The following COBLL1 variants were observed in gnomAD, a reference collection of about 807,000 sequenced individuals.
COBLL1 encodes the protein cordon-bleu WH2 repeat protein like 1.
Under a neutral mutation model 94.8 loss-of-function variants are expected in COBLL1, and 50 were observed. That is an observed-to-expected ratio of 0.53 (90% CI 0.42 to 0.67). The LOEUF is 0.67. Among genes scored for constraint, COBLL1 ranks in the 30% least tolerant of loss-of-function variants. COBLL1 has a pLI of 0.00. For missense variants in COBLL1, 1,362 were observed against 1,348.7 expected (o/e 1.01, Z -0.15); for synonymous variants, 448 against 473.8 (o/e 0.95, Z 0.71).
chr2:164,671,720 G>A (rs1254101517), intron 1 of COBLL1, among the ~76,000 whole-genome samples: 1 of 151,844 alleles, frequency 6.6e-6, no homozygotes, highest in Non-Finnish European at 1.5e-5. Context: ...AGCACGTTAT[G>A]AAGATTTTTT....
At chr2:164,805,325 C>CA (rs1684053041) in intron 2 of COBLL1, among the ~76,000 whole-genome samples, 1 of 31,522 alleles carries the variant, frequency 3.2e-5, no homozygotes, top group Non-Finnish European at 6.1e-5. Flanking sequence ...CTCTCTCTCT[C>CA]TCTCTCTCTC....
chr2:164,829,507 C>CA (rs1226551284), intron 2 of COBLL1, among the ~76,000 whole-genome samples: 8 of 151,488 alleles, frequency 5.3e-5, no homozygotes, highest in African/African-American at 9.7e-5. Context: ...CTAACTAAAG[C>CA]AAAAAAATAA....
chr2:164,701,261 A>G (rs943524438), intron 9 of COBLL1, among the ~76,000 whole-genome samples: 2 of 152,162 alleles, frequency 1.3e-5, no homozygotes, highest in African/African-American at 4.8e-5. Flanking sequence ...CTCACACCCT[A>G]CTCCACAAAA....
intron 2 of COBLL1, among the ~76,000 whole-genome samples, chr2:164,794,565 G>C (rs1256890888): frequency 1.3e-5 from 2 of 152,080 alleles, no homozygotes; most frequent in African/African-American, 4.8e-5. Flanking sequence ...TTAGAATTCT[G>C]ACATTTCGGT....
intron 3 of COBLL1, among the ~76,000 whole-genome samples, chr2:164,734,430 A>ATCACCCT (rs1686187866): frequency 3.3e-5 from 5 of 152,206 alleles, no homozygotes; most frequent in African/African-American, 9.7e-5. Context: ...ATAATCTTGT[A>ATCACCCT]GTGTTTAAAG....
chr2:164,705,344 C>G, intron 7 of COBLL1: 1 of 341,164 alleles, frequency 2.9e-6, no homozygotes, highest in Non-Finnish European at 5.2e-6. Context: ...AACTGCCACA[C>G]AAACAACTAA....
chr2:164,719,421 T>G (rs1386754699), intron 7 of COBLL1, among the ~76,000 whole-genome samples: 1 of 152,140 alleles, frequency 6.6e-6, no homozygotes, highest in Non-Finnish European at 1.5e-5. Flanking sequence ...ACAACACAAA[T>G]GTATTCTTCC....
chr2:164,694,555 G>A lies in COBLL1; in HGVS notation c.2837C>T (p.Ala946Val), dbSNP rs758456775. 1.2e-6 allele frequency: 2 copies of A among 1,613,960 alleles called. No homozygotes were observed. The highest frequency in any genetic ancestry group is 1.7e-6 in the Non-Finnish European group (2 of 1,179,956). ...DDVIGQAPAE[A>V]SPPPIAPKPV... The stretch of plus-strand genomic sequence containing the variant: ...TTTTGGAGCTATGGGAGGAGGGGAG[G>A]CTTCAGCAGGAGCCTGACCGATGAC... Residue 946 changes from alanine (A) to valine (V), a missense_variant, in exon 12 of 14, where the codon GCC (alanine) becomes GTC (valine). Ala to Val is a moderately conservative substitution (Grantham distance 64). Transcript: ENST00000652658.
chr2:164,730,851 A>T (rs1326835182), intron 3 of COBLL1, among the ~76,000 whole-genome samples: 1 of 152,214 alleles, frequency 6.6e-6, no homozygotes, highest in Non-Finnish European at 1.5e-5. Flanking sequence ...TAGAAAACAG[A>T]CTGTAAATAT....
intron 2 of COBLL1, among the ~76,000 whole-genome samples, chr2:164,828,442 A>ACT (rs1453006119): frequency 6.6e-6 from 1 of 152,242 alleles, no homozygotes; most frequent in Non-Finnish European, 1.5e-5. Context: ...GACTGGTTAT[A>ACT]TAAATTAAAA....
At chr2:164,659,748 T>C (rs1691040091) in intron 2 of COBLL1, among the ~76,000 whole-genome samples, 1 of 152,184 alleles carries the variant, frequency 6.6e-6, no homozygotes, top group African/African-American at 2.4e-5. Flanking sequence ...GTAGCAGAAA[T>C]CTTTCCTTCT....
chr2:164,796,515 T>A (rs1018023059), intron 2 of COBLL1, among the ~76,000 whole-genome samples: 1 of 152,098 alleles, frequency 6.6e-6, no homozygotes. Context: ...AGGAATAAAC[T>A]CTGCAGAAGT....
intron 2 of COBLL1, among the ~76,000 whole-genome samples, chr2:164,818,454 T>TTGTATACATATACACATATTTACAA (rs1282551366): frequency 6.7e-6 from 1 of 149,236 alleles, no homozygotes; most frequent in African/African-American, 2.4e-5. Flanking sequence ...CATATTTACA[T>TTGTATACATATACACATATTTACAA]TGTATACATA....
rs770744134 is a variant in COBLL1 at position 164,728,071 on chromosome 2, T to A, written c.559A>T (p.Thr187Ser). 1 of 1,613,774 alleles carries A rather than the reference T, an allele frequency of 6.2e-7. No individual in the cohort carries two copies. The highest frequency in any genetic ancestry group is 8.5e-7 in the Non-Finnish European group (1 of 1,179,690). ...CSKCEFDPLHTLLLKDYQSQE... is the reference protein window; with the variant it reads ...CSKCEFDPLHSLLLKDYQSQE... ...GATTGATAATCTTTCAACAATAGTG[T>A]ATGCAACGGATCAAACTCACATTTG... Residue 187 changes from threonine to serine, a missense_variant, in exon 5 of 14, where the codon ACA (threonine) becomes TCA (serine). By Grantham distance (58) the Thr-to-Ser change is moderately conservative. Transcript: ENST00000652658.
intron 1 of COBLL1, among the ~76,000 whole-genome samples, chr2:164,671,953 A>G (rs908432275): frequency 2.0e-5 from 3 of 152,144 alleles, no homozygotes; most frequent in East Asian, 1.9e-4. Flanking sequence ...GAAAGAAAGT[A>G]TCTTCAATAT....
chr2:164,762,870 G>A (rs1687751335), intron 2 of COBLL1, among the ~76,000 whole-genome samples: 1 of 151,918 alleles, frequency 6.6e-6, no homozygotes, highest in South Asian at 2.1e-4. Flanking sequence ...CTAATTTTTT[G>A]TATTTTTAGT....
intron 2 of COBLL1, among the ~76,000 whole-genome samples, chr2:164,787,545 A>T (rs1445240017): frequency 6.6e-6 from 1 of 152,152 alleles, no homozygotes; most frequent in African/African-American, 2.4e-5. Context: ...TTTTTTGGCA[A>T]CTATACCTCA....
chr2:164,759,312 T>C (rs1687568762), intron 2 of COBLL1, among the ~76,000 whole-genome samples: 1 of 152,164 alleles, frequency 6.6e-6, no homozygotes, highest in Non-Finnish European at 1.5e-5. Context: ...TTACAGGTTT[T>C]GACAAATACT....
rs552022272 is a variant in COBLL1, at chr2:164,821,123, A to G, written c.41+20033T>C. 2.0e-4 allele frequency among the ~76,000 whole-genome samples: 30 copies of G among 151,850 alleles called. 1 individual carries two copies. The highest frequency in any genetic ancestry group is 3.7e-4 in the Non-Finnish European group (25 of 67,928). On this transcript the variant is annotated intron_variant, in intron 2 of 13. Coordinates refer to ENST00000652658, the MANE Select transcript of COBLL1 (RefSeq NM_001365672.2). The stretch of plus-strand genomic sequence containing the variant: ...AGGATGGTCTCAATCTCCTCACCTC[A>G]TGATCCACTCGCCTCCACCTCCCAA...
Sources: gnomAD v4.1 joint callset for allele counts (sites outside exome capture counted in the v4.1 genomes callset) on GRCh38, gnomAD v4.1.1 for gene constraint, MANE v1.5 for transcripts, NCBI Gene and HGNC (gene_info 2026-07-23, HGNC 2026-07-21) for gene names.